LARGE1: variants seen among roughly 807,000 people sequenced by gnomAD.
The protein encoded by LARGE1 is LARGE xylosyl- and glucuronyltransferase 1, also known as xylosyl- and glucuronyltransferase LARGE1.
A neutral mutation model predicts 87.6 loss-of-function variants in LARGE1; 43 were observed. The ratio of observed to expected loss-of-function variants is 0.49; its 90% CI spans 0.38 to 0.63. LARGE1 has a LOEUF of 0.63. Among genes scored for constraint, LARGE1 ranks in the 30% least tolerant of loss-of-function variants. The probability of loss-of-function intolerance (pLI) is 0.00; values close to 1 mark genes in which losing one functional copy is unlikely to be tolerated. For missense variants in LARGE1, 802 were observed against 1,000.2 expected, an observed-to-expected ratio of 0.80 and a Z score of 2.67; for synonymous variants, 434 against 394.6, an observed-to-expected ratio of 1.10 and a Z score of -1.18.
chr22:33,905,369 C>A (rs774778869), intron 1 of LARGE1, among the ~76,000 whole-genome samples: 8 of 151,990 alleles, frequency 5.3e-5, no homozygotes, highest in Non-Finnish European at 1.2e-4. Context: ...ATGCCTGGGC[C>A]CTTGAATTCT....
chr22:33,464,883 GCACACACATA>G lies in LARGE1; in HGVS notation c.788-32628_788-32619del, dbSNP rs1423479950. Among the ~76,000 whole-genome samples the G allele has an allele frequency of 1.3e-4, 16 of 127,118 alleles. 1 individual carries two copies. The highest frequency in any genetic ancestry group is 9.9e-4 in the East Asian group (5 of 5,030). 83.4% of individuals were successfully genotyped at this position (127,118 alleles called of 152,430 possible). A position where few individuals can be genotyped will look rare whatever the true frequency, so the allele number is the denominator to read the frequency against. ...CACTACACACACACTGCACACACAT[GCACACACATA>G]CACACACACACACATACACATGCAC... On this transcript the variant is annotated intron_variant, in intron 6 of 14. Transcript: ENST00000397394.
Position 33,206,354 on chromosome 22 carries a change from AGT to A in LARGE1, c.1731-39524_1731-39523del, listed in dbSNP as rs375990040. Among the ~76,000 whole-genome samples, 626 of 152,114 alleles carry A rather than the reference AGT, an allele frequency of 4.1e-3. 4 individuals carry two copies. The highest frequency in any genetic ancestry group is 0.014 in the African/African-American group (591 of 41,490). ...TGGTCCACCTGCCTCAGCCTCCCAA[AGT>A]GTTGGGATTACAGGCGTGAGCCACC... On this transcript the variant is annotated intron_variant, in intron 11 of 11. Transcript: ENST00000608642.
At chr22:33,811,953 C>T (rs755307573) in intron 1 of LARGE1, among the ~76,000 whole-genome samples, 1 of 152,160 alleles carries the variant, frequency 6.6e-6, no homozygotes, top group Non-Finnish European at 1.5e-5. Flanking sequence ...CCGGGCTTAG[C>T]GCTCAATTGC....
At chr22:33,432,328 T>A in intron 6 of LARGE1, 63 bp from the exon 7 acceptor site, 1 of 1,225,340 alleles carries the variant, frequency 8.2e-7, no homozygotes, top group Non-Finnish European at 1.2e-6. Context: ...GATCAGTGAC[T>A]ATTGAAGACA....
the LARGE1 span, among the ~76,000 whole-genome samples, chr22:33,091,120 C>T: frequency 9.2e-5 from 14 of 152,272 alleles, no homozygotes; most frequent in African/African-American, 3.4e-4. Context: ...TTCTGCAAGC[C>T]GATCAACTCC....
At chr22:33,816,677 T>TGGATAGAC (rs368463783) in intron 1 of LARGE1, among the ~76,000 whole-genome samples, 1 of 123,744 alleles carries the variant, frequency 8.1e-6, no homozygotes, top group South Asian at 3.3e-4. Flanking sequence ...GATGGATGGA[T>TGGATAGAC]AGATAGATAG....
chr22:33,437,619 A>G (rs2067317573), intron 6 of LARGE1, among the ~76,000 whole-genome samples: 1 of 151,894 alleles, frequency 6.6e-6, no homozygotes. Flanking sequence ...CTGGTCCTAC[A>G]CTCTGCTCCA....
chr22:33,852,236 C>A (rs1047164328), intron 1 of LARGE1, among the ~76,000 whole-genome samples: 1 of 152,026 alleles, frequency 6.6e-6, no homozygotes, highest in South Asian at 2.1e-4. Flanking sequence ...TGTGAGCCAA[C>A]GTTGAAAGGT....
intron 5 of LARGE1, among the ~76,000 whole-genome samples, chr22:33,585,287 A>C (rs1045014389): frequency 1.3e-5 from 2 of 152,156 alleles, no homozygotes; most frequent in Non-Finnish European, 2.9e-5. Context: ...CTATCCAGAG[A>C]GCTACACTTC....
At chr22:33,432,070 C>T in intron 7 of LARGE1, 91 bp downstream of exon 7, 1 of 1,064,020 alleles carries the variant, frequency 9.4e-7, no homozygotes, top group African/African-American at 1.6e-5. Flanking sequence ...TGGCCTCCTC[C>T]TGAGCTTTTG....
At chr22:33,548,756 G>C (rs1200986439) in intron 6 of LARGE1, among the ~76,000 whole-genome samples, 1 of 152,100 alleles carries the variant, frequency 6.6e-6, no homozygotes, top group East Asian at 1.9e-4. Flanking sequence ...ACTAATACAG[G>C]CTCCCTTTGT....
chr22:33,861,074 G>T (rs974915326), intron 1 of LARGE1, among the ~76,000 whole-genome samples: 1 of 152,076 alleles, frequency 6.6e-6, no homozygotes, highest in Non-Finnish European at 1.5e-5. Context: ...AAGCGGCATC[G>T]CCCAGGCAGC....
At chr22:33,696,971 A>G (rs1051147167) in intron 2 of LARGE1, among the ~76,000 whole-genome samples, 1 of 152,062 alleles carries the variant, frequency 6.6e-6, no homozygotes, top group African/African-American at 2.4e-5. Context: ...ATTGCCTTAA[A>G]TATTTCCCTT....
At chr22:33,736,327 C>A (rs1046586896) in intron 2 of LARGE1, among the ~76,000 whole-genome samples, 1 of 152,162 alleles carries the variant, frequency 6.6e-6, no homozygotes, top group African/African-American at 2.4e-5. Flanking sequence ...ATAACCGCCA[C>A]CCTAGTGAGT....
intron 11 of LARGE1, among the ~76,000 whole-genome samples, chr22:33,179,288 C>G (rs925554858): frequency 5.9e-5 from 9 of 152,180 alleles, no homozygotes; most frequent in African/African-American, 4.8e-5. Flanking sequence ...CCCACATGTA[C>G]AGAGGAAGAC....
intron 6 of LARGE1, among the ~76,000 whole-genome samples, chr22:33,483,530 A>C (rs1051155625): frequency 3.3e-5 from 5 of 152,132 alleles, no homozygotes; most frequent in Non-Finnish European, 7.3e-5. Flanking sequence ...GGCAGTGAAG[A>C]GGCAGGTTAA....
chr22:33,141,777 A>T, the LARGE1 span, among the ~76,000 whole-genome samples: 1 of 152,176 alleles, frequency 6.6e-6, no homozygotes, highest in East Asian at 1.9e-4. Flanking sequence ...TTTCTTGAAC[A>T]TATTTCTAAT....
intron 11 of LARGE1, among the ~76,000 whole-genome samples, chr22:33,170,577 G>T (rs1922513843): frequency 6.6e-6 from 1 of 152,070 alleles, no homozygotes. Flanking sequence ...AGATCTGATG[G>T]TTTAAAAGTT....
chr22:33,459,867 G>A (rs575356033), intron 6 of LARGE1, among the ~76,000 whole-genome samples: 2 of 152,212 alleles, frequency 1.3e-5, no homozygotes, highest in African/African-American at 4.8e-5. Context: ...ACCCCCAATA[G>A]CACCCAAGAA....
Sources: gnomAD v4.1 joint callset for allele counts (sites outside exome capture counted in the v4.1 genomes callset) on GRCh38, gnomAD v4.1.1 for gene constraint, MANE v1.5 for transcripts, NCBI Gene and HGNC (gene_info 2026-07-23, HGNC 2026-07-21) for gene names.